HEATR4: variants seen among roughly 807,000 people sequenced by gnomAD.
HEATR4 encodes HEAT repeat containing 4.
HEATR4 carries 95 observed loss-of-function variants against 108.8 expected under a neutral mutation model. The ratio of observed to expected loss-of-function variants is 0.87; its 90% CI spans 0.74 to 1.04. The LOEUF is 1.04. Among genes scored for constraint, HEATR4 ranks in the 50% least tolerant of loss-of-function variants. The pLI, the probability that HEATR4 is intolerant of heterozygous loss-of-function variation, is 0.00. For missense variants in HEATR4, 1,152 were observed against 1,253.8 expected, an observed-to-expected ratio of 0.92 and a Z score of 1.23; for synonymous variants, 443 against 459.4, an observed-to-expected ratio of 0.96 and a Z score of 0.46.
chr14:73,616,343 A>G, the HEATR4 span, among the ~76,000 whole-genome samples: 4 of 151,798 alleles, frequency 2.6e-5, no homozygotes, highest in Non-Finnish European at 5.9e-5. Context: ...TTTGAGATAG[A>G]GTCTCACTCT....
chr14:73,520,794 T>A, intron 4 of HEATR4, 58 bp downstream of exon 4: 1 of 1,485,808 alleles, frequency 6.7e-7, no homozygotes. Flanking sequence ...CCAGCAATCT[T>A]CCACCTTCCT....
At chr14:73,591,382 T>C in the HEATR4 span, among the ~76,000 whole-genome samples, 1 of 151,814 alleles carries the variant, frequency 6.6e-6, no homozygotes, top group Non-Finnish European at 1.5e-5. Flanking sequence ...ACTCCCTCTT[T>C]ACTAAAAATA....
chr14:73,509,550 G>A, intron 7 of HEATR4, 77 bp from the exon 8 acceptor site: 2 of 1,490,444 alleles, frequency 1.3e-6, no homozygotes, highest in South Asian at 1.2e-5. Flanking sequence ...CTACAGCCAT[G>A]TGGTGGCCAA....
chr14:73,597,090 A>T, the HEATR4 span, among the ~76,000 whole-genome samples: 12 of 145,584 alleles, frequency 8.2e-5, no homozygotes, highest in Non-Finnish European at 1.5e-4. Flanking sequence ...TTATTTATTT[A>T]TTTATTTTTT....
At chr14:73,607,485 G>A in the HEATR4 span, among the ~76,000 whole-genome samples, 2 of 152,146 alleles carry the variant, frequency 1.3e-5, no homozygotes, top group East Asian at 3.9e-4. Flanking sequence ...TGATGGGAGG[G>A]GCTGCCATGA....
intron 2 of HEATR4, among the ~76,000 whole-genome samples, chr14:73,524,310 A>AAAAAAAT: frequency 0.022 from 1,213 of 54,634 alleles, 35 homozygotes; most frequent in Non-Finnish European, 0.031. Flanking sequence ...AAAAAAAAAA[A>AAAAAAAT]ATATATATAT....
chr14:73,520,780 G>A, intron 4 of HEATR4, 72 bp downstream of exon 4: 1 of 1,400,584 alleles, frequency 7.1e-7, no homozygotes, highest in East Asian at 2.3e-5. Flanking sequence ...ACTGTTTCCA[G>A]CCCCCAGCAA....
chr14:73,502,046 ATT>A (rs777992104), intron 11 of HEATR4, among the ~76,000 whole-genome samples: 27 of 133,860 alleles, frequency 2.0e-4, no homozygotes, highest in Non-Finnish European at 2.3e-4. Context: ...CGCCCGGCCA[ATT>A]TTTTTTTTTT....
rs563412754 is a variant in HEATR4 at position 73,521,341 on chromosome 14, C to T, written c.882-302G>A. 5.9e-5 allele frequency among the ~76,000 whole-genome samples: 9 copies of T among 152,216 alleles called. No homozygotes were observed. The East Asian group carries it at 1.4e-3, about 23-fold the overall frequency. On this transcript the variant is annotated intron_variant, in intron 3 of 17. Transcript: ENST00000553558. ...GCATAACCCTTTTTTAACATTCGTA[C>T]TCTTAGAGGCGGCATGGCCTTGGGG...
chr14:73,546,108 A>G (rs1426585184), intron 1 of HEATR4, among the ~76,000 whole-genome samples: 3 of 111,694 alleles, frequency 2.7e-5, no homozygotes, highest in Non-Finnish European at 3.9e-5. Context: ...CAGCCTCCCA[A>G]GTAGCTGGGA....
At position 73,535,532 on chromosome 14, in the gene HEATR4, C is replaced by A. The variant is rs868089797; in HGVS notation, c.-151-5288G>T. Among the ~76,000 whole-genome samples the A allele has an allele frequency of 4.0e-4, 34 of 83,984 alleles. 5 individuals are homozygous for A. Among genetic ancestry groups the A allele is most frequent in the African/African-American group, 1.3e-3 (32 of 25,266 alleles). The allele number at this position is 83,984 out of a possible 152,430, so 55.1% of individuals were successfully genotyped here. A position where few individuals can be genotyped will look rare whatever the true frequency, so the allele number is the denominator to read the frequency against. On this transcript the variant is annotated intron_variant, in intron 1 of 17. Coordinates refer to ENST00000553558, the MANE Select transcript of HEATR4 (RefSeq NM_001220484.1). ...TGCCCAGGCTGGAGTGCAGTGGCGC[C>A]ATCTTGGCTCACTGCAAGCACTGCC...
At chr14:73,574,777 T>C in the HEATR4 span, 2,950 of 1,493,554 alleles carry the variant, frequency 2.0e-3, 48 homozygotes, top group African/African-American at 0.037. Flanking sequence ...ATTCTCAAAG[T>C]TGCAAATCTG....
At chr14:73,509,531 G>A in intron 7 of HEATR4, 58 bp from the exon 8 acceptor site, 3 of 1,580,960 alleles carry the variant, frequency 1.9e-6, no homozygotes, top group South Asian at 1.1e-5. Context: ...CTCACACACA[G>A]CTTCCTTCCT....
chr14:73,484,152 T>G (rs1457621990), intron 17 of HEATR4, among the ~76,000 whole-genome samples: 1 of 151,016 alleles, frequency 6.6e-6, no homozygotes, highest in East Asian at 2.0e-4. Context: ...CCATCATGCC[T>G]GGCCTCATTT....
the HEATR4 span, chr14:73,612,656 G>A: frequency 7.1e-7 from 1 of 1,409,466 alleles, no homozygotes; most frequent in Non-Finnish European, 9.2e-7. Flanking sequence ...CCTGGCCCCG[G>A]AGCAGCCAGT....
chr14:73,592,333 A>G, the HEATR4 span: 1 of 1,604,986 alleles, frequency 6.2e-7, no homozygotes, highest in Admixed American at 1.7e-5. Flanking sequence ...CAGGCGCAGC[A>G]CGAGCGCCAC....
chr14:73,610,552 A>G, the HEATR4 span, among the ~76,000 whole-genome samples: 2 of 152,118 alleles, frequency 1.3e-5, no homozygotes, highest in South Asian at 4.1e-4. Context: ...CGGCCTCCCA[A>G]AGTGCTGGGA....
At chr14:73,600,603 C>A in the HEATR4 span, among the ~76,000 whole-genome samples, 1 of 151,908 alleles carries the variant, frequency 6.6e-6, no homozygotes, top group Non-Finnish European at 1.5e-5. Flanking sequence ...AGGCACCCAC[C>A]ACCACACCCG....
the HEATR4 span, among the ~76,000 whole-genome samples, chr14:73,573,003 AATATC>A: frequency 2.0e-5 from 3 of 151,676 alleles, no homozygotes; most frequent in South Asian, 6.2e-4. Flanking sequence ...AAATGATAAA[AATATC>A]AGTAAGTGGA....
Sources: gnomAD v4.1 joint callset for allele counts (sites outside exome capture counted in the v4.1 genomes callset) on GRCh38, gnomAD v4.1.1 for gene constraint, MANE v1.5 for transcripts, NCBI Gene and HGNC (gene_info 2026-07-23, HGNC 2026-07-21) for gene names.